Variants in NAV2 observed in about 807,000 individuals in gnomAD.
The protein encoded by NAV2 is neuron navigator 2.
Under a neutral mutation model 223.2 loss-of-function variants are expected in NAV2, and 54 were observed. The ratio of observed to expected loss-of-function variants is 0.24; its 90% CI spans 0.19 to 0.30. The LOEUF (loss-of-function observed/expected upper bound fraction) is 0.30. Among genes scored for constraint, NAV2 ranks in the 10% least tolerant of loss-of-function variants. The pLI, the probability that NAV2 is intolerant of heterozygous loss-of-function variation, is 1.00. For synonymous variants in NAV2, 1,279 were observed against 1,239.3 expected, an observed-to-expected ratio of 1.03 and a Z score of -0.67; for missense variants, 2,806 against 3,147.5, an observed-to-expected ratio of 0.89 and a Z score of 2.60.
At chr11:19,661,295 C>A (rs1386905059) in intron 1 of NAV2, among the ~76,000 whole-genome samples, 2 of 152,144 alleles carry the variant, frequency 1.3e-5, no homozygotes, top group Admixed American at 6.5e-5. Context: ...CTTCTTAAGG[C>A]TGAAAAATAT....
intron 1 of NAV2, among the ~76,000 whole-genome samples, chr11:19,365,247 C>G (rs1257594708): frequency 6.6e-6 from 1 of 152,334 alleles, no homozygotes; most frequent in South Asian, 2.1e-4. Flanking sequence ...AGTCACTATT[C>G]AAGATTCATC....
Position 20,107,751 on chromosome 11 carries a change from A to G in NAV2, c.6929A>G (p.Tyr2310Cys). The change falls in exon 36 of 38, where the codon TAT becomes TGT. Residue 2310 changes from tyrosine (Y) to cysteine (C), a missense_variant. Coordinates refer to ENST00000349880, the MANE Select transcript of NAV2 (RefSeq NM_145117.5). ...TTGTGGAACTATTCCATTATCCCCT[A>G]TCTCCTGGAAGCCGTCAGAGAAGGA... ...TDLWNYSIIP[Y>C]LLEAVREGLQ... is the part of the protein sequence containing the mutation. 1 of 1,613,884 alleles carries G rather than the reference A, an allele frequency of 6.2e-7. No homozygotes were observed. The highest frequency in any genetic ancestry group is 8.5e-7 in the Non-Finnish European group (1 of 1,179,870).
Position 19,646,665 on chromosome 11 carries a change from G to C in NAV2, c.76-185819G>C, listed in dbSNP as rs77985521. Among the ~76,000 whole-genome samples, 1,514 of 152,214 alleles carry C rather than the reference G, an allele frequency of 9.9e-3. 35 individuals are homozygous for C. The highest frequency in any genetic ancestry group is 0.063 in the East Asian group (327 of 5,162). ...TTGAGGGTGAGGGTGCTGGCCAGAG[G>C]CAGGTAATCATACAACAATTTTCAA... On this transcript the variant is annotated intron_variant, in intron 1 of 37. Transcript: ENST00000360655.
chr11:19,489,594 A>C (rs1460507718), intron 1 of NAV2, among the ~76,000 whole-genome samples: 13 of 152,236 alleles, frequency 8.5e-5, no homozygotes, highest in Admixed American at 2.6e-4. Context: ...TGGATGTCAG[A>C]AGTTAAAATA....
chr11:19,673,587 T>C (rs1490638774), intron 1 of NAV2, among the ~76,000 whole-genome samples: 5 of 152,340 alleles, frequency 3.3e-5, no homozygotes, highest in African/African-American at 7.2e-5. Context: ...GAGGTGTTAA[T>C]TGGGGAGGAA....
At chr11:19,911,736 G>A (rs1050326002) in intron 6 of NAV2, among the ~76,000 whole-genome samples, 6 of 152,138 alleles carry the variant, frequency 3.9e-5, no homozygotes, top group African/African-American at 1.4e-4. Context: ...TCAATTTCTT[G>A]GTGGGGGACA....
chr11:19,876,745 A>G (rs192634818), intron 4 of NAV2, among the ~76,000 whole-genome samples: 158 of 152,008 alleles, frequency 1.0e-3, no homozygotes, highest in African/African-American at 3.8e-3. Flanking sequence ...TTTACAGTGG[A>G]TGACCCCTGA....
At chr11:19,772,218 A>T (rs2055772864) in intron 1 of NAV2, among the ~76,000 whole-genome samples, 2 of 152,160 alleles carry the variant, frequency 1.3e-5, no homozygotes, top group African/African-American at 4.8e-5. Context: ...TACTTGCAAA[A>T]ATGTCTGCAC....
intron 35 of NAV2, among the ~76,000 whole-genome samples, chr11:20,106,498 T>C (rs2062117852): frequency 7.5e-6 from 1 of 133,540 alleles, no homozygotes; most frequent in Non-Finnish European, 1.6e-5. Context: ...AGGCGGAGGC[T>C]GCTGTGAGCC....
intron 1 of NAV2, among the ~76,000 whole-genome samples, chr11:19,531,223 G>A (rs1337327227): frequency 2.6e-5 from 4 of 152,172 alleles, no homozygotes; most frequent in Non-Finnish European, 4.4e-5. Flanking sequence ...GGAAACAGAA[G>A]ATAGACATGG....
At chr11:20,015,700 C>T (rs2053945490) in intron 11 of NAV2, among the ~76,000 whole-genome samples, 1 of 152,188 alleles carries the variant, frequency 6.6e-6, no homozygotes, top group Non-Finnish European at 1.5e-5. Flanking sequence ...AGCACAATGC[C>T]TGGCACACAA....
At chr11:19,631,070 C>T (rs2047330859) in intron 1 of NAV2, among the ~76,000 whole-genome samples, 1 of 147,874 alleles carries the variant, frequency 6.8e-6, no homozygotes. Context: ...TTGCCCCTTT[C>T]ATTTTATCCA....
At chr11:19,888,288 G>A (rs2041199950) in intron 5 of NAV2, among the ~76,000 whole-genome samples, 1 of 152,200 alleles carries the variant, frequency 6.6e-6, no homozygotes, top group Non-Finnish European at 1.5e-5. Context: ...TGTAAGGGAT[G>A]CAGGGTTGAC....
At chr11:19,586,889 C>G (rs1446494857) in intron 1 of NAV2, among the ~76,000 whole-genome samples, 1 of 152,222 alleles carries the variant, frequency 6.6e-6, no homozygotes, top group African/African-American at 2.4e-5. Flanking sequence ...GTGGGAACCA[C>G]TACTCTCTTC....
intron 1 of NAV2, among the ~76,000 whole-genome samples, chr11:19,481,155 A>T (rs941699722): frequency 1.3e-5 from 2 of 152,144 alleles, no homozygotes; most frequent in African/African-American, 4.8e-5. Flanking sequence ...ACATACATTC[A>T]AATACTCCCC....
intron 1 of NAV2, among the ~76,000 whole-genome samples, chr11:19,379,812 C>T (rs1848773133): frequency 6.6e-6 from 1 of 152,158 alleles, no homozygotes; most frequent in African/African-American, 2.4e-5. Flanking sequence ...GGCAATCCAG[C>T]CACGTAATTC....
Position 20,070,741 on chromosome 11 carries a change from G to A in NAV2, c.4983+2343G>A, listed in dbSNP as rs375384559. 2.9e-3 allele frequency among the ~76,000 whole-genome samples: 445 copies of A among 152,154 alleles called. 4 individuals are homozygous for A. The highest frequency in any genetic ancestry group is 0.015 in the South Asian group (72 of 4,814). ...GTTTGTTTTCCCTGGGAATGTGAGC[G>A]TGGCACTTGATGAGTAGGCTGTTGT... is the stretch of plus-strand genomic sequence containing the variant. On this transcript the variant is annotated intron_variant, in intron 22 of 37. Coordinates refer to ENST00000349880, the MANE Select transcript of NAV2 (RefSeq NM_145117.5).
intron 11 of NAV2, among the ~76,000 whole-genome samples, chr11:19,986,957 G>A (rs1453504089): frequency 2.0e-5 from 3 of 152,206 alleles, no homozygotes; most frequent in African/African-American, 7.2e-5. Flanking sequence ...TTCCCAAAGT[G>A]GGAGGCTATC....
At chr11:19,594,974 A>C (rs1000414518) in intron 1 of NAV2, among the ~76,000 whole-genome samples, 1 of 152,180 alleles carries the variant, frequency 6.6e-6, no homozygotes, top group African/African-American at 2.4e-5. Context: ...AAGTTCATCA[A>C]AATTAAGATT....
Sources: gnomAD v4.1 joint callset for allele counts (sites outside exome capture counted in the v4.1 genomes callset) on GRCh38, gnomAD v4.1.1 for gene constraint, MANE v1.5 for transcripts, NCBI Gene and HGNC (gene_info 2026-07-23, HGNC 2026-07-21) for gene names.